The following SND1 variants were observed in gnomAD, a reference collection of about 807,000 sequenced individuals.
SND1 encodes the protein staphylococcal nuclease and tudor domain containing 1.
In SND1, 38 loss-of-function variants were observed where a neutral mutation model predicts 121.7. The observed-to-expected ratio is 0.31, with a 90% CI of 0.24 to 0.41. The LOEUF (loss-of-function observed/expected upper bound fraction) is 0.41, where lower values mean the gene tolerates loss of function less well. Ranked by LOEUF, SND1 falls within the 10% of genes least tolerant of loss-of-function variation. SND1 has a pLI of 1.00. For missense variants in SND1, 868 were observed against 1,184.6 expected (o/e 0.73, Z 3.92); for synonymous variants, 401 against 447.4 (o/e 0.90, Z 1.31).
chr7:128,081,031 C>T (rs763640901), intron 17 of SND1, among the ~76,000 whole-genome samples: 10 of 151,910 alleles, frequency 6.6e-5, no homozygotes, highest in Non-Finnish European at 1.3e-4. Flanking sequence ...GAGTCTTGCA[C>T]TGTCGCCCAG....
intron 11 of SND1, among the ~76,000 whole-genome samples, chr7:127,833,359 A>G (rs1434635219): frequency 1.3e-5 from 2 of 151,092 alleles, no homozygotes; most frequent in African/African-American, 4.9e-5. Context: ...TCTGCCTCCA[A>G]GGTTCAAGTG....
chr7:127,857,916 G>A, intron 12 of SND1: 1 of 1,380,694 alleles, frequency 7.2e-7, no homozygotes, highest in Non-Finnish European at 1.0e-6. Context: ...CCAGCTTCCG[G>A]CAGTAAACAC....
At chr7:128,076,933 G>A (rs1048227634) in intron 17 of SND1, among the ~76,000 whole-genome samples, 6 of 152,170 alleles carry the variant, frequency 3.9e-5, no homozygotes, top group Non-Finnish European at 8.8e-5. Flanking sequence ...CAGTGAAGAG[G>A]CCGATAGGGC....
chr7:127,663,597 C>T (rs1369861520), intron 1 of SND1, among the ~76,000 whole-genome samples: 1 of 152,078 alleles, frequency 6.6e-6, no homozygotes, highest in Non-Finnish European at 1.5e-5. Context: ...AGGATGGTCT[C>T]CATCTCCTTA....
At chr7:127,966,149 TTTTC>T (rs1327662693) in intron 15 of SND1, among the ~76,000 whole-genome samples, 1 of 151,270 alleles carries the variant, frequency 6.6e-6, no homozygotes, top group East Asian at 1.9e-4. Context: ...TTCTCTCTTT[TTTTC>T]TTTATTAGTC....
At chr7:127,696,765 A>T (rs1796012637) in intron 3 of SND1, among the ~76,000 whole-genome samples, 1 of 152,240 alleles carries the variant, frequency 6.6e-6, no homozygotes, top group South Asian at 2.1e-4. Flanking sequence ...TTGTTTTTTA[A>T]AAGTTTACTT....
chr7:128,041,666 T>C (rs1792857254), intron 16 of SND1, among the ~76,000 whole-genome samples: 1 of 152,222 alleles, frequency 6.6e-6, no homozygotes, highest in African/African-American at 2.4e-5. Context: ...GTTGGCTAGT[T>C]GGTCTATTCA....
intron 16 of SND1, among the ~76,000 whole-genome samples, chr7:128,054,534 A>C (rs1793103664): frequency 6.6e-6 from 1 of 152,212 alleles, no homozygotes; most frequent in African/African-American, 2.4e-5. Flanking sequence ...CCTTGCACGG[A>C]GGTTGGCATT....
intron 10 of SND1, among the ~76,000 whole-genome samples, chr7:127,747,822 G>A (rs2116449388): frequency 6.6e-6 from 1 of 152,224 alleles, no homozygotes; most frequent in African/African-American, 2.4e-5. Flanking sequence ...ACTTACTTGG[G>A]TTTTCTCTCC....
At chr7:127,882,948 G>C (rs574686372) in intron 12 of SND1, among the ~76,000 whole-genome samples, 3 of 152,134 alleles carry the variant, frequency 2.0e-5, no homozygotes, top group Non-Finnish European at 4.4e-5. Context: ...AAGTCTAACA[G>C]TAAGCCATCA....
At chr7:127,975,445 G>C (rs1473210077) in intron 15 of SND1, among the ~76,000 whole-genome samples, 1 of 151,062 alleles carries the variant, frequency 6.6e-6, no homozygotes, top group Non-Finnish European at 1.5e-5. Flanking sequence ...GTGTGTGTGT[G>C]TGTGTGTGTG....
intron 11 of SND1, among the ~76,000 whole-genome samples, chr7:127,807,812 G>A (rs374180301): frequency 1.3e-5 from 2 of 152,116 alleles, no homozygotes; most frequent in Non-Finnish European, 2.9e-5. Context: ...AGCAGGGTCC[G>A]GGCTCAACTC....
At chr7:127,678,096 T>C (rs1436666422) in intron 1 of SND1, among the ~76,000 whole-genome samples, 1 of 152,182 alleles carries the variant, frequency 6.6e-6, no homozygotes, top group Non-Finnish European at 1.5e-5. Flanking sequence ...GAGAAAAAGA[T>C]TTAATCAGTA....
intron 1 of SND1, among the ~76,000 whole-genome samples, chr7:127,661,986 C>T (rs971395219): frequency 6.6e-6 from 1 of 151,842 alleles, no homozygotes; most frequent in Non-Finnish European, 1.5e-5. Flanking sequence ...CATGGTGGTG[C>T]GTGCCTGTAA....
intron 16 of SND1, chr7:128,030,038 C>T (rs770330251): frequency 1.2e-6 from 2 of 1,613,240 alleles, no homozygotes; most frequent in South Asian, 2.2e-5. Context: ...TGCCCAAGTT[C>T]AGATACTTGA....
At chr7:127,671,801 C>T (rs1306551650) in intron 1 of SND1, among the ~76,000 whole-genome samples, 3 of 152,216 alleles carry the variant, frequency 2.0e-5, no homozygotes, top group Admixed American at 1.3e-4. Context: ...TATCTGTTTT[C>T]TCTGTAAAGT....
chr7:127,654,941 T>G (rs1258864878), intron 1 of SND1, among the ~76,000 whole-genome samples: 1 of 152,232 alleles, frequency 6.6e-6, no homozygotes, highest in East Asian at 1.9e-4. Context: ...AGTAATAGTT[T>G]CCATTGGTAC....
intron 10 of SND1, among the ~76,000 whole-genome samples, chr7:127,772,057 C>T (rs919887662): frequency 6.6e-6 from 1 of 152,116 alleles, no homozygotes; most frequent in African/African-American, 2.4e-5. Context: ...TTAAATGCAT[C>T]GGTAGCATAG....
chr7:128,050,043 CA>C (rs1793019891), intron 16 of SND1, among the ~76,000 whole-genome samples: 3 of 152,290 alleles, frequency 2.0e-5, no homozygotes, highest in Non-Finnish European at 2.9e-5. Flanking sequence ...TCAGAGACTG[CA>C]TGGTTGTTTC....
Sources: allele counts gnomAD v4.1 joint callset (sites outside exome capture counted in the v4.1 genomes callset), GRCh38; gene constraint gnomAD v4.1.1; transcripts MANE v1.5; gene names NCBI Gene and HGNC (gene_info 2026-07-23, HGNC 2026-07-21).